Variants in TAPBPL observed in about 807,000 individuals in gnomAD.
The protein encoded by TAPBPL is tapasin-related protein.
TAPBPL carries 32 observed loss-of-function variants against 44.8 expected under a neutral mutation model. The ratio of observed to expected loss-of-function variants is 0.71; its 90% CI spans 0.54 to 0.96. TAPBPL has a LOEUF of 0.96. TAPBPL is among the 40% of genes least tolerant of loss of function. The pLI is 0.00. For missense variants in TAPBPL, 520 were observed against 586.6 expected, an observed-to-expected ratio of 0.89 and a Z score of 1.17; for synonymous variants, 230 against 240.7, an observed-to-expected ratio of 0.96 and a Z score of 0.41.
In TAPBPL at chr12:6,453,358, G is replaced by A; in HGVS notation, c.295+61G>A. 6.2e-7 allele frequency: 1 copy of A among 1,609,656 alleles called. No homozygotes were observed. The highest frequency in any genetic ancestry group is 2.2e-5 in the East Asian group (1 of 44,824). On this transcript the variant is annotated intron_variant, in intron 2 of 6. Transcript: ENST00000266556. The surrounding 1 kb of genome is among the most constrained non-coding windows in gnomAD (Gnocchi z 4.8). ...GGCTCCCTCCACCAGGACAGCCCAG[G>A]TCCCGATTACAGCCACACATACTGC...
intron 5 of TAPBPL, among the ~76,000 whole-genome samples, chr12:6,460,017 G>C (rs1056372110): frequency 1.3e-5 from 2 of 151,496 alleles, no homozygotes; most frequent in East Asian, 3.9e-4. Context: ...TGATCTGTCC[G>C]CCTCGGCTTC....
chr12:6,465,088 A>G (rs1319272825), downstream of TAPBPL: 2 of 1,172,678 alleles, frequency 1.7e-6, no homozygotes, highest in East Asian at 5.3e-5. Flanking sequence ...CCTCTTAGAG[A>G]GGCCCTACCC....
chr12:6,465,404 GTA>G (rs1294654336), downstream of TAPBPL: 6 of 61,392 alleles, frequency 9.8e-5, no homozygotes, highest in East Asian at 1.9e-3. Context: ...ATATATAAAT[GTA>G]TATATATGTA....
downstream of TAPBPL, chr12:6,464,588 T>C: frequency 1.4e-6 from 2 of 1,461,036 alleles, no homozygotes; most frequent in Non-Finnish European, 1.8e-6. Context: ...GGTCTCTCCA[T>C]TGTTAAGTGC....
rs1303560596 is a variant in TAPBPL at position 6,453,434 on chromosome 12, T to C, written c.296-13T>C. On this transcript the variant is annotated splice_polypyrimidine_tract_variant and intron_variant, in intron 2 of 6. Transcript: ENST00000266556. The surrounding 1 kb of genome is among the most constrained non-coding windows in gnomAD (Gnocchi z 4.8). Reference sequence around the variant, plus strand: ...GCTAATTTGCCCTCTGTGTGTGCCCTGCTTCTCCCCAGTGGACCTGGTCCA... The same window carrying C: ...GCTAATTTGCCCTCTGTGTGTGCCCCGCTTCTCCCCAGTGGACCTGGTCCA... 2.5e-6 allele frequency: 4 copies of C among 1,613,620 alleles called. No homozygotes were observed. Among genetic ancestry groups the C allele is most frequent in the African/African-American group, 1.3e-5 (1 of 74,930 alleles).
Position 6,457,589 on chromosome 12 carries a change from G to A in TAPBPL, c.749G>A (p.Arg250Gln), listed in dbSNP as rs778616024. Residue 250 changes from arginine to glutamine, a missense_variant, in exon 4 of 7, where the codon CGG (arginine) becomes CAG (glutamine). Physicochemically the swap from Arg to Gln is conservative, Grantham distance 43. Coordinates refer to ENST00000266556, the MANE Select transcript of TAPBPL (RefSeq NM_018009.5). The part of the protein sequence containing the change: ...SWTAGQGQAV[R>Q]KGATLEPAQL... ...ACCGCAGGGCAGGGGCAGGCTGTGC[G>A]GAAGGGCGCTACCCTGGAGCCTGCA... The A allele has an allele frequency of 1.7e-5, 28 of 1,614,106 alleles. 1 individual carries two copies. Among genetic ancestry groups the A allele is most frequent in the African/African-American group, 8.0e-5 (6 of 74,940 alleles).
downstream of TAPBPL, chr12:6,467,176 A>G (rs1950042888): frequency 1.2e-5 from 2 of 163,068 alleles, no homozygotes; most frequent in Admixed American, 6.5e-5. Context: ...AAACAGACTA[A>G]TACAGTAAAT....
At chr12:6,464,030 G>A (rs143060738), downstream of TAPBPL, 315 of 1,294,822 alleles carry the variant, frequency 2.4e-4, 1 homozygote, top group African/African-American at 4.4e-3. Context: ...AGTACTGAGT[G>A]AGCTGCCATC....
chr12:6,463,367 G>A (rs766734708), downstream of TAPBPL: 26 of 1,094,572 alleles, frequency 2.4e-5, 1 homozygote, highest in Non-Finnish European at 2.9e-5. This position sits in a 1 kb window ranked among gnomAD's most constrained non-coding sequence, Gnocchi z 4.0. Context: ...TCTGCATCCT[G>A]AGGATCGGCC....
At position 6,453,479 on chromosome 12, in the gene TAPBPL, T is replaced by TGG; in HGVS notation, c.328_329insGG (p.Leu110TrpfsTer12). On this transcript the variant is annotated frameshift_variant, in exon 3 of 7. Coordinates refer to ENST00000266556, the MANE Select transcript of TAPBPL (RefSeq NM_018009.5). LOFTEE classifies it high-confidence loss of function. This position sits in a 1 kb window ranked among gnomAD's most constrained non-coding sequence, Gnocchi z 4.8. The stretch of plus-strand genomic sequence containing the variant: ...GGTCCAGATTCCCCAGGCCGAGGCC[T>TGG]TGCTCCATGCTGACTGCAGTGGGAA... 6.2e-7 allele frequency: 1 copy of TGG among 1,614,166 alleles called. No individual in the cohort carries two copies. The highest frequency in any genetic ancestry group is 1.3e-5 in the African/African-American group (1 of 75,046).
At chr12:6,458,992 A>T (rs374033541) in intron 5 of TAPBPL, 45 bp downstream of exon 5, 1 of 1,584,030 alleles carries the variant, frequency 6.3e-7, no homozygotes. Context: ...ACTAGGGCTC[A>T]TGGCTCTCCT....
chr12:6,462,341 ACAAG>A (rs1299959530), downstream of TAPBPL: 1 of 559,458 alleles, frequency 1.8e-6, no homozygotes, highest in Non-Finnish European at 3.2e-6. Flanking sequence ...ATTACTCTAT[ACAAG>A]TATGAGATCA....
chr12:6,461,151 T>C (rs1385674791), intron 6 of TAPBPL: 45 of 1,382,438 alleles, frequency 3.3e-5, no homozygotes, highest in Middle Eastern at 2.7e-4. Context: ...GTCACTCTCC[T>C]GCCTCAGAGT....
chr12:6,470,617 G>A, downstream of TAPBPL: 1 of 1,571,834 alleles, frequency 6.4e-7, no homozygotes, highest in South Asian at 1.1e-5. Flanking sequence ...TGAAGTGGAC[G>A]GAACTGCCAA....
rs755020631 is a variant in TAPBPL at position 6,458,840 on chromosome 12, CCT to C, written c.1106_1107del (p.Leu369HisfsTer72). Reference sequence around the variant, plus strand: ...GTGGCAGGCACCTACAGCATCTCCTCCTCTCTCACCGCAGAACCTGGCTCTGC... The same window carrying C: ...GTGGCAGGCACCTACAGCATCTCCTCCTCTCACCGCAGAACCTGGCTCTGC... On this transcript the variant is annotated frameshift_variant, in exon 5 of 7. Coordinates refer to ENST00000266556, the MANE Select transcript of TAPBPL (RefSeq NM_018009.5). LOFTEE classifies it high-confidence loss of function. The C allele has an allele frequency of 6.2e-6, 10 of 1,614,160 alleles. No homozygotes were observed. The highest frequency in any genetic ancestry group is 3.3e-5 in the Admixed American group (2 of 60,030).
At chr12:6,469,454 T>G (rs2240868), downstream of TAPBPL, among the ~76,000 whole-genome samples, 16 of 152,070 alleles carry the variant, frequency 1.1e-4, no homozygotes, top group African/African-American at 3.9e-4. Flanking sequence ...TTGCCCAAAA[T>G]GCATAGAACA....
chr12:6,460,890 A>C lies in TAPBPL; in HGVS notation c.1243A>C (p.Ser415Arg). The C allele has an allele frequency of 1.2e-6, 2 of 1,614,118 alleles. No individual in the cohort carries two copies. Among genetic ancestry groups the C allele is most frequent in the South Asian group, 2.2e-5 (2 of 91,082 alleles). ...AGCCTTGGGAGTCATCTTTGCCAGCAGTCTCTTCCTTCTTGCACTGATGTT... is the reference window on the plus strand; with the variant it reads ...AGCCTTGGGAGTCATCTTTGCCAGCCGTCTCTTCCTTCTTGCACTGATGTT... ...RTALGVIFAS[S>R]LFLLALMFLG... is the part of the protein sequence containing the mutation. Residue 415 changes from serine to arginine, a missense_variant, in exon 6 of 7, where the codon AGT becomes CGT. Transcript: ENST00000266556.
chr12:6,467,639 G>A (rs1945661144), downstream of TAPBPL, among the ~76,000 whole-genome samples: 1 of 152,248 alleles, frequency 6.6e-6, no homozygotes, highest in African/African-American at 2.4e-5. Flanking sequence ...GGAACCTAGT[G>A]TTAGCCCCTA....
intron 4 of TAPBPL, among the ~76,000 whole-genome samples, chr12:6,458,187 C>G (rs560765127): frequency 6.6e-6 from 1 of 152,248 alleles, no homozygotes; most frequent in East Asian, 1.9e-4. Context: ...ACCAGCCTGG[C>G]CAATACGGTG....
Sources: allele counts gnomAD v4.1 joint callset (sites outside exome capture counted in the v4.1 genomes callset), GRCh38; gene constraint gnomAD v4.1.1; non-coding constraint Gnocchi (gnomAD v3.1); transcripts MANE v1.5; gene names NCBI Gene and HGNC (gene_info 2026-07-23, HGNC 2026-07-21).